The following KCNC3 variants were observed in gnomAD, a reference collection of about 807,000 sequenced individuals.
KCNC3 encodes the protein potassium voltage-gated channel subfamily C member 3.
KCNC3 carries 22 observed loss-of-function variants against 43.9 expected under a neutral mutation model. The ratio of observed to expected loss-of-function variants is 0.50; its 90% CI spans 0.36 to 0.72. KCNC3 has a LOEUF of 0.72. KCNC3 is among the 30% of genes least tolerant of loss of function. KCNC3 has a pLI of 0.00. For synonymous variants in KCNC3, 492 were observed against 488.0 expected (o/e 1.01, Z -0.11); for missense variants, 829 against 1,073.8 (o/e 0.77, Z 3.19).
At chr19:50,317,404 T>G (rs1009601702) in intron 4 of KCNC3, among the ~76,000 whole-genome samples, 5 of 152,038 alleles carry the variant, frequency 3.3e-5, no homozygotes, top group Admixed American at 2.0e-4. Context: ...GCCCCCCAGG[T>G]TCCCCTATGG....
Position 50,324,147 on chromosome 19 carries a change from C to T in KCNC3, c.871-65G>A. 3.4e-6 allele frequency: 5 copies of T among 1,485,748 alleles called. No homozygotes were observed. The South Asian group carries it at 6.7e-5, about 20-fold the overall frequency. 92.0% of individuals were successfully genotyped at this position (1,485,748 alleles called of 1,614,324 possible). A position where few individuals can be genotyped will look rare whatever the true frequency, so the allele number is the denominator to read the frequency against. On this transcript the variant is annotated intron_variant, in intron 1 of 4. Transcript: ENST00000477616. This position sits in a 1 kb window ranked among gnomAD's most constrained non-coding sequence, Gnocchi z 4.1. ...TAGGCATCAGGTTGGCCATAACATC[C>T]AGAAGACCCTTCCAGTGCCCCCTTC...
At chr19:50,320,483 G>A in intron 3 of KCNC3, 110 bp downstream of exon 3, 1 of 1,049,070 alleles carries the variant, frequency 9.5e-7, no homozygotes, top group Non-Finnish European at 1.4e-6. Context: ...GGGGCCAAGG[G>A]AAGGGGGAAG....
upstream of KCNC3, among the ~76,000 whole-genome samples, chr19:50,332,072 T>C (rs945718022): frequency 2.6e-5 from 4 of 152,058 alleles, no homozygotes; most frequent in Non-Finnish European, 5.9e-5. This position sits in a 1 kb window ranked among gnomAD's most constrained non-coding sequence, Gnocchi z 5.8. Flanking sequence ...AGAAAAGACA[T>C]AGGTACTTCC....
At chr19:50,333,307 C>T (rs1219596920), upstream of KCNC3, among the ~76,000 whole-genome samples, 2 of 152,178 alleles carry the variant, frequency 1.3e-5, no homozygotes, top group Non-Finnish European at 2.9e-5. Flanking sequence ...ACATCACCGC[C>T]GGAGGAGGGG....
chr19:50,314,843 G>A lies in KCNC3; in HGVS notation c.*1272C>T, dbSNP rs2036925756. 2.9e-6 allele frequency: 1 copy of A among 346,190 alleles called. No individual in the cohort carries two copies. Among genetic ancestry groups the A allele is most frequent in the Non-Finnish European group, 5.6e-6 (1 of 178,778 alleles). 21.4% of individuals were successfully genotyped at this position (346,190 alleles called of 1,614,324 possible). On this transcript the variant is annotated 3_prime_UTR_variant, in exon 5 of 5. Coordinates refer to ENST00000477616, the MANE Select transcript of KCNC3 (RefSeq NM_004977.3). The stretch of plus-strand genomic sequence containing the variant: ...TCACCCCCGAGTCCCCCCACAGGGG[G>A]GAGGGGAGCGCTAAAGGATGGAGGG...
At position 50,324,927 on chromosome 19, in the gene KCNC3, A is replaced by T. The variant is rs1207657853; in HGVS notation, c.871-845T>A. On this transcript the variant is annotated intron_variant, in intron 1 of 4. Transcript: ENST00000477616. This position sits in a 1 kb window ranked among gnomAD's most constrained non-coding sequence, Gnocchi z 4.1. ...AGCCTGCAAAAATGGAAGAGGAGAT[A>T]AAAGAGGAGAGTCAGGCAGGGTTTA... Among the ~76,000 whole-genome samples, 3 of 152,006 alleles carry T rather than the reference A, an allele frequency of 2.0e-5. No individual in the cohort carries two copies. Among genetic ancestry groups the T allele is most frequent in the Admixed American group, 6.6e-5 (1 of 15,262 alleles).
At chr19:50,327,804 C>G (rs2037123939) in intron 1 of KCNC3, among the ~76,000 whole-genome samples, 1 of 151,582 alleles carries the variant, frequency 6.6e-6, no homozygotes, top group South Asian at 2.1e-4. Context: ...GGACGGTGAC[C>G]AAGAGTAGTG....
At chr19:50,332,754 GCTC>G (rs1334444194), upstream of KCNC3, among the ~76,000 whole-genome samples, 2 of 152,024 alleles carry the variant, frequency 1.3e-5, no homozygotes, top group Non-Finnish European at 2.9e-5. The surrounding 1 kb of genome is among the most constrained non-coding windows in gnomAD (Gnocchi z 5.8). Context: ...CCCCACCCCT[GCTC>G]CTCCCAATCC....
rs1319599552 is a variant in KCNC3, at chr19:50,328,830, C to T, written c.253G>A (p.Gly85Ser). The change falls in exon 1 of 5, where the codon GGC becomes AGC. Residue 85 changes from glycine (G) to serine (S), a missense_variant. Coordinates refer to ENST00000477616, the MANE Select transcript of KCNC3 (RefSeq NM_004977.3). ...AAMGRHGGGG[G>S]DSGKIVINVG... is the part of the protein sequence containing the mutation. ...TTGATCACGATCTTGCCGCTGTCGC[C>T]ACCGCCGCCGCCGTGCCGCCCCATG... 2.0e-6 allele frequency: 3 copies of T among 1,494,874 alleles called. No homozygotes were observed. Among genetic ancestry groups the T allele is most frequent in the Non-Finnish European group, 2.7e-6 (3 of 1,127,300 alleles). The allele number at this position is 1,494,874 out of a possible 1,614,324, so 92.6% of individuals were successfully genotyped here.
chr19:50,318,518 A>T (rs112401006), intron 4 of KCNC3, among the ~76,000 whole-genome samples: 1 of 152,146 alleles, frequency 6.6e-6, no homozygotes, highest in African/African-American at 2.4e-5. Flanking sequence ...GAGCGGCTGG[A>T]AACTTTTCCT....
chr19:50,320,253 G>A lies in KCNC3; in HGVS notation c.2267C>T (p.Ser756Phe). Residue 756 changes from serine to phenylalanine, a missense_variant, in exon 4 of 5, where the codon TCC (serine) becomes TTC (phenylalanine). By Grantham distance (155) the Ser-to-Phe change is radical. Transcript: ENST00000477616. ...DLNANAAAWI[S>F]P ...GGGGAGGGGGTTCGTCCACTAGGGGGATATCCAGGCCGCGGCGTTGGCGTT... is the reference window on the plus strand; with the variant it reads ...GGGGAGGGGGTTCGTCCACTAGGGGAATATCCAGGCCGCGGCGTTGGCGTT... 1 of 896,942 alleles carries A rather than the reference G, an allele frequency of 1.1e-6. No homozygotes were observed. The highest frequency in any genetic ancestry group is 1.5e-6 in the Non-Finnish European group (1 of 666,620). 55.6% of individuals were successfully genotyped at this position (896,942 alleles called of 1,614,324 possible).
chr19:50,331,177 C>T (rs2037184278), upstream of KCNC3, among the ~76,000 whole-genome samples: 1 of 151,972 alleles, frequency 6.6e-6, no homozygotes, highest in Admixed American at 6.6e-5. Context: ...AATCTGCCCT[C>T]CTGGGTCTCT....
intron 4 of KCNC3, among the ~76,000 whole-genome samples, chr19:50,317,946 T>G (rs1378630684): frequency 6.6e-6 from 1 of 151,582 alleles, no homozygotes; most frequent in Admixed American, 6.6e-5. Context: ...TCTACAGGCA[T>G]GCACCACCAC....
At chr19:50,320,993 G>A (rs746925569) in intron 2 of KCNC3, among the ~76,000 whole-genome samples, 43 of 147,138 alleles carry the variant, frequency 2.9e-4, no homozygotes, top group Non-Finnish European at 5.6e-4. Flanking sequence ...AAGGGGGCGC[G>A]GCTGGGGGGT....
chr19:50,329,048 C>A lies in KCNC3; in HGVS notation c.35G>T (p.Gly12Val). ...CTGCTGCTTGCTGGCCCCCTGGCGC[C>A]CGCGGAAGGACGAGACGCAGACTGA... ...LSSVCVSSFR[G>V]RQGASKQQPA... The change falls in exon 1 of 5, where the codon GGG becomes GTG. Residue 12 changes from glycine (G) to valine (V), a missense_variant. Transcript: ENST00000477616. 7.4e-7 allele frequency: 1 copy of A among 1,342,676 alleles called. No individual in the cohort carries two copies. Among genetic ancestry groups the A allele is most frequent in the East Asian group, 3.3e-5 (1 of 30,412 alleles). The allele number at this position is 1,342,676 out of a possible 1,614,324, so 83.2% of individuals were successfully genotyped here.
intron 2 of KCNC3, among the ~76,000 whole-genome samples, chr19:50,322,160 G>A (rs887981296): frequency 6.6e-5 from 10 of 151,830 alleles, no homozygotes; most frequent in African/African-American, 2.4e-4. Flanking sequence ...GCAGGGGGGG[G>A]CCACCAGCCT....
At chr19:50,330,942 G>A (rs955748977), upstream of KCNC3, among the ~76,000 whole-genome samples, 1 of 151,944 alleles carries the variant, frequency 6.6e-6, no homozygotes, top group African/African-American at 2.4e-5. Flanking sequence ...GGCGCCTGCG[G>A]GAGCGAAGGG....
At position 50,323,695 on chromosome 19, in the gene KCNC3, G is replaced by T. The variant is rs1338146006; in HGVS notation, c.1258C>A (p.Arg420Ser). The change falls in exon 2 of 5, where the codon CGC becomes AGC. Residue 420 changes from arginine to serine, a missense_variant. Coordinates refer to ENST00000477616, the MANE Select transcript of KCNC3 (RefSeq NM_004977.3). ...GTCAGCTTGAAGATGCGCAGGATGC[G>T]GACGAAGCGGACCACCCGCAGGAAG... ...LGFLRVVRFVRILRIFKLTRH... is the reference protein window; with the variant it reads ...LGFLRVVRFVSILRIFKLTRH... The T allele has an allele frequency of 1.2e-6, 2 of 1,614,182 alleles. No homozygotes were observed.
chr19:50,321,802 C>T (rs1472499760), intron 2 of KCNC3, among the ~76,000 whole-genome samples: 3 of 148,652 alleles, frequency 2.0e-5, no homozygotes, highest in African/African-American at 5.0e-5. Context: ...GAGATGGTTG[C>T]GGATGAAGCA....
Sources: gnomAD v4.1 joint callset for allele counts (sites outside exome capture counted in the v4.1 genomes callset) on GRCh38, gnomAD v4.1.1 for gene constraint, Gnocchi (gnomAD v3.1) non-coding constraint, MANE v1.5 for transcripts, NCBI Gene and HGNC (gene_info 2026-07-23, HGNC 2026-07-21) for gene names.